Variants in HPSE2 observed in about 807,000 individuals in gnomAD.
HPSE2 encodes the protein inactive heparanase-2.
In HPSE2, 38 loss-of-function variants were observed where a neutral mutation model predicts 60.5. That is an observed-to-expected ratio of 0.63 (90% CI 0.48 to 0.82). HPSE2 has a LOEUF of 0.82. HPSE2 is among the 40% of genes least tolerant of loss of function. The pLI is 0.00. For missense variants in HPSE2, 713 were observed against 740.4 expected (o/e 0.96, Z 0.43); for synonymous variants, 295 against 293.2 (o/e 1.01, Z -0.06).
chr10:98,687,089 A>G (rs957776122), intron 6 of HPSE2, among the ~76,000 whole-genome samples: 24 of 151,668 alleles, frequency 1.6e-4, no homozygotes, highest in African/African-American at 5.8e-4. Context: ...TATATTTTGA[A>G]TCTCTGTTCT....
At chr10:98,715,753 A>G (rs1415053892) in intron 5 of HPSE2, among the ~76,000 whole-genome samples, 1 of 152,122 alleles carries the variant, frequency 6.6e-6, no homozygotes, top group Non-Finnish European at 1.5e-5. Flanking sequence ...GATAACGATC[A>G]TCTGAGCCTT....
At chr10:99,215,556 C>T (rs900811081) in intron 2 of HPSE2, among the ~76,000 whole-genome samples, 5 of 152,168 alleles carry the variant, frequency 3.3e-5, no homozygotes, top group African/African-American at 1.2e-4. Flanking sequence ...TAGCAAACCA[C>T]CATGGCACAA....
At chr10:99,180,192 T>C (rs544915606) in intron 2 of HPSE2, among the ~76,000 whole-genome samples, 1 of 152,132 alleles carries the variant, frequency 6.6e-6, no homozygotes, top group African/African-American at 2.4e-5. Context: ...ATTCAGGACA[T>C]AGGCATGGGC....
the HPSE2 span, among the ~76,000 whole-genome samples, chr10:99,311,779 G>A: frequency 6.6e-6 from 1 of 152,196 alleles, no homozygotes; most frequent in Non-Finnish European, 1.5e-5. Context: ...GCTTAGTGAG[G>A]AAGGTATGTC....
chr10:98,833,737 T>C (rs865791016), intron 3 of HPSE2, among the ~76,000 whole-genome samples: 16 of 152,288 alleles, frequency 1.1e-4, no homozygotes, highest in African/African-American at 3.8e-4. Flanking sequence ...ATTGCACAAG[T>C]TGTAATCATG....
intron 3 of HPSE2, among the ~76,000 whole-genome samples, chr10:99,001,382 G>A (rs1185389064): frequency 6.6e-6 from 1 of 151,998 alleles, no homozygotes; most frequent in Non-Finnish European, 1.5e-5. Context: ...TAAGCTTGAT[G>A]GACATGTGCA....
intron 2 of HPSE2, among the ~76,000 whole-genome samples, chr10:99,145,382 G>A (rs1469347747): frequency 2.7e-5 from 4 of 147,230 alleles, no homozygotes; most frequent in Non-Finnish European, 6.1e-5. Context: ...ACTTGAACCA[G>A]GAGGTGGAGG....
intron 3 of HPSE2, among the ~76,000 whole-genome samples, chr10:98,985,453 T>G (rs1263811444): frequency 2.0e-5 from 3 of 152,298 alleles, no homozygotes; most frequent in African/African-American, 7.2e-5. Context: ...AGAGATTTTG[T>G]CACCACCAGG....
At chr10:99,246,476 A>T in the HPSE2 span, among the ~76,000 whole-genome samples, 2 of 152,216 alleles carry the variant, frequency 1.3e-5, no homozygotes, top group Admixed American at 6.5e-5. Flanking sequence ...GCCGTGCGTG[A>T]TGGCTCATGC....
At chr10:99,132,208 AGAGAGAGAGAGAGAGAG>A (rs1845448389) in intron 3 of HPSE2, among the ~76,000 whole-genome samples, 6 of 22,808 alleles carry the variant, frequency 2.6e-4, no homozygotes, top group African/African-American at 4.1e-4. Context: ...AGAGAGAGAG[AGAGAGAGAGAGAGAGAG>A]AGAGAGAGAG....
At chr10:99,296,565 A>G in the HPSE2 span, among the ~76,000 whole-genome samples, 1 of 151,252 alleles carries the variant, frequency 6.6e-6, no homozygotes, top group Non-Finnish European at 1.5e-5. Context: ...GAGCAGTCAC[A>G]GAGCTGTAAC....
chr10:98,821,309 G>GT (rs1347218259), intron 3 of HPSE2, among the ~76,000 whole-genome samples: 1 of 152,112 alleles, frequency 6.6e-6, no homozygotes, highest in African/African-American at 2.4e-5. Flanking sequence ...CTAGTTATAT[G>GT]ATATTGCCTA....
chr10:99,258,421 T>G, the HPSE2 span, among the ~76,000 whole-genome samples: 1 of 151,980 alleles, frequency 6.6e-6, no homozygotes, highest in African/African-American at 2.4e-5. Flanking sequence ...TTTGACCCTA[T>G]GTTGAAATAC....
rs1844477265 is a variant in HPSE2, at chr10:99,111,888, A to G, written c.610+32350T>C. Among the ~76,000 whole-genome samples, 3 of 152,154 alleles carry G rather than the reference A, an allele frequency of 2.0e-5. 1 individual carries two copies. Among genetic ancestry groups the G allele is most frequent in the Non-Finnish European group, 4.4e-5 (3 of 68,026 alleles). ...CTCCAATATAGCCCCAATGCTAGAG[A>G]TCTGTAATTGTTTGTACATATTTCA... On this transcript the variant is annotated intron_variant, in intron 3 of 11. Transcript: ENST00000370552.
intron 10 of HPSE2, among the ~76,000 whole-genome samples, chr10:98,485,659 C>T (rs929706066): frequency 6.6e-6 from 1 of 152,234 alleles, no homozygotes; most frequent in African/African-American, 2.4e-5. Flanking sequence ...GCTTAGCTAT[C>T]TGTAAAACTG....
intron 9 of HPSE2, among the ~76,000 whole-genome samples, chr10:98,599,103 C>G (rs2133936871): frequency 6.6e-6 from 1 of 152,244 alleles, no homozygotes; most frequent in African/African-American, 2.4e-5. Context: ...CTTGGGTCTG[C>G]TGGAGCTTGG....
At position 98,585,285 on chromosome 10, in the gene HPSE2, T is replaced by TA. The variant is rs535944528; in HGVS notation, c.1320+29618_1320+29619insT. 1.3e-3 allele frequency among the ~76,000 whole-genome samples: 205 copies of TA among 151,886 alleles called. 1 individual carries two copies. Among genetic ancestry groups the TA allele is most frequent in the African/African-American group, 4.7e-3 (196 of 41,498 alleles). ...TGTTTTAAAGTAGTGTCTTTTTTTTTTTTTGAGATGGAATCTCACTCTATC... is the reference window on the plus strand; with the variant it reads ...TGTTTTAAAGTAGTGTCTTTTTTTTTATTTTGAGATGGAATCTCACTCTATC... On this transcript the variant is annotated intron_variant, in intron 9 of 11. Transcript: ENST00000370552.
intron 3 of HPSE2, among the ~76,000 whole-genome samples, chr10:98,863,399 G>A (rs747410608): frequency 7.9e-5 from 12 of 152,236 alleles, no homozygotes; most frequent in Non-Finnish European, 1.6e-4. Flanking sequence ...GTGAGAGAGA[G>A]AGTGGAATTG....
chr10:98,513,352 C>T (rs1310084432), intron 9 of HPSE2, among the ~76,000 whole-genome samples: 3 of 152,148 alleles, frequency 2.0e-5, no homozygotes, highest in Admixed American at 1.3e-4. Flanking sequence ...TGGGGTTCCA[C>T]GGAGCAGCCA....
Sources: allele counts gnomAD v4.1 joint callset (sites outside exome capture counted in the v4.1 genomes callset), GRCh38; gene constraint gnomAD v4.1.1; transcripts MANE v1.5; gene names NCBI Gene and HGNC (gene_info 2026-07-23, HGNC 2026-07-21).